Variants in ST6GALNAC3 observed in about 807,000 individuals in gnomAD.
ST6GALNAC3 encodes ST6 N-acetylgalactosaminide alpha-2,6-sialyltransferase 3, also known as alpha-N-acetylgalactosaminide alpha-2,6-sialyltransferase 3.
In ST6GALNAC3, 25 loss-of-function variants were observed where a neutral mutation model predicts 32.7. The observed-to-expected ratio is 0.76, with a 90% confidence interval of 0.56 to 1.07. The LOEUF (loss-of-function observed/expected upper bound fraction) is 1.07, where lower values mean the gene tolerates loss of function less well. Among genes scored for constraint, ST6GALNAC3 ranks in the 50% least tolerant of loss-of-function variants. The pLI is 0.00. For missense variants in ST6GALNAC3, 355 were observed against 382.4 expected, an observed-to-expected ratio of 0.93 and a Z score of 0.60; for synonymous variants, 129 against 133.1, an observed-to-expected ratio of 0.97 and a Z score of 0.21.
At chr1:76,580,909 C>T (rs1217338984) in intron 3 of ST6GALNAC3, among the ~76,000 whole-genome samples, 1 of 152,052 alleles carries the variant, frequency 6.6e-6, no homozygotes, top group African/African-American at 2.4e-5. Context: ...GTCTTTCAGA[C>T]ACTAATTTTG....
At chr1:76,555,529 C>T (rs1664866124) in intron 3 of ST6GALNAC3, among the ~76,000 whole-genome samples, 1 of 152,044 alleles carries the variant, frequency 6.6e-6, no homozygotes, top group Non-Finnish European at 1.5e-5. Flanking sequence ...TGAACCTGGT[C>T]ATTAATGTTC....
intron 1 of ST6GALNAC3, among the ~76,000 whole-genome samples, chr1:76,239,087 G>T (rs1427652684): frequency 6.6e-6 from 1 of 152,022 alleles, no homozygotes. Flanking sequence ...GTCTCCTGGG[G>T]TTCTCAGGCC....
chr1:76,345,369 G>A (rs959625823), intron 2 of ST6GALNAC3, among the ~76,000 whole-genome samples: 1 of 152,222 alleles, frequency 6.6e-6, no homozygotes, highest in South Asian at 2.1e-4. Context: ...CACAGGGAGA[G>A]CACAGAGTAG....
intron 3 of ST6GALNAC3, among the ~76,000 whole-genome samples, chr1:76,563,941 A>T (rs1570284432): frequency 6.6e-6 from 1 of 152,212 alleles, no homozygotes; most frequent in East Asian, 1.9e-4. Context: ...ATTATGTACA[A>T]GAAGGATCCA....
At chr1:76,327,576 C>A (rs537510855) in intron 2 of ST6GALNAC3, among the ~76,000 whole-genome samples, 2 of 152,244 alleles carry the variant, frequency 1.3e-5, no homozygotes, top group South Asian at 4.1e-4. Flanking sequence ...TTAATCTCAT[C>A]TACAAAATAT....
rs77668439 is a variant in ST6GALNAC3, at chr1:76,288,004, A to G, written c.19-25801A>G. On this transcript the variant is annotated intron_variant, in intron 1 of 4. Coordinates refer to ENST00000328299, the MANE Select transcript of ST6GALNAC3 (RefSeq NM_152996.4). ...AGCCTGCCTTGGGAGCCATGTGCTTATTACCTACAATTCACTGCCCAACTG... is the reference window on the plus strand; with the variant it reads ...AGCCTGCCTTGGGAGCCATGTGCTTGTTACCTACAATTCACTGCCCAACTG... Among the ~76,000 whole-genome samples the G allele has an allele frequency of 1.4e-3, 207 of 152,284 alleles. 2 individuals are homozygous for G. The East Asian group carries it at 0.024, about 18-fold the overall frequency.
rs139479938 is a variant in ST6GALNAC3 at position 76,191,444 on chromosome 1, C to T, written c.18+116560C>T. Among the ~76,000 whole-genome samples the T allele has an allele frequency of 4.8e-3, 725 of 152,072 alleles. 8 individuals carry two copies. Among genetic ancestry groups the T allele is most frequent in the African/African-American group, 0.016 (667 of 41,474 alleles). ...AGTTACAATTAGGAAGACTGCGTTC[C>T]GGTGTTCTATTGTACAGAAGGGTGA... On this transcript the variant is annotated intron_variant, in intron 1 of 4. Transcript: ENST00000328299.
intron 2 of ST6GALNAC3, among the ~76,000 whole-genome samples, chr1:76,376,221 A>G (rs1952022): frequency 0.51 from 77,703 of 152,040 alleles, 22,588 homozygotes; most frequent in Non-Finnish European, 0.65. Flanking sequence ...CTCCAATGAT[A>G]ACATCTTATG....
At chr1:76,284,936 G>A (rs1046030868) in intron 1 of ST6GALNAC3, among the ~76,000 whole-genome samples, 1 of 152,092 alleles carries the variant, frequency 6.6e-6, no homozygotes, top group African/African-American at 2.4e-5. Context: ...TGCCACAATA[G>A]GGTGTGGATA....
intron 1 of ST6GALNAC3, among the ~76,000 whole-genome samples, chr1:76,275,021 A>G (rs1384762201): frequency 6.6e-6 from 1 of 152,236 alleles, no homozygotes; most frequent in Non-Finnish European, 1.5e-5. Flanking sequence ...GTGTCCCTGT[A>G]GACAGAGAAG....
intron 3 of ST6GALNAC3, among the ~76,000 whole-genome samples, chr1:76,439,999 G>A (rs965294245): frequency 6.6e-6 from 1 of 152,220 alleles, no homozygotes; most frequent in Admixed American, 6.5e-5. Flanking sequence ...GTTTACGTAT[G>A]TTACATGTAG....
At chr1:76,286,747 A>C (rs1249242327) in intron 1 of ST6GALNAC3, among the ~76,000 whole-genome samples, 3 of 152,260 alleles carry the variant, frequency 2.0e-5, no homozygotes, top group Non-Finnish European at 4.4e-5. Flanking sequence ...GGTTTGAGGC[A>C]GGAAGTGTCC....
At chr1:76,261,267 G>C (rs1658218435) in intron 1 of ST6GALNAC3, among the ~76,000 whole-genome samples, 1 of 151,984 alleles carries the variant, frequency 6.6e-6, no homozygotes. Flanking sequence ...TATTCAATTA[G>C]CCTTTTGTTG....
rs544388081 is a variant in ST6GALNAC3 at position 76,461,456 on chromosome 1, G to A, written c.623+49039G>A. ...AAACATACAATTAAACACTTCAGAT[G>A]ACAGTGTTAAAACTTCAGAAGAAGA... On this transcript the variant is annotated intron_variant, in intron 3 of 4. Coordinates refer to ENST00000328299, the MANE Select transcript of ST6GALNAC3 (RefSeq NM_152996.4). 1.5e-4 allele frequency among the ~76,000 whole-genome samples: 23 copies of A among 152,280 alleles called. 2 individuals are homozygous for A. The South Asian group carries it at 4.8e-3, about 32-fold the overall frequency.
intron 1 of ST6GALNAC3, among the ~76,000 whole-genome samples, chr1:76,240,748 G>C (rs990875035): frequency 1.3e-5 from 2 of 152,152 alleles, no homozygotes; most frequent in Non-Finnish European, 2.9e-5. Context: ...CACACACACA[G>C]AAACAAAACA....
chr1:76,491,515 C>T (rs1205774902), intron 3 of ST6GALNAC3, among the ~76,000 whole-genome samples: 1 of 152,158 alleles, frequency 6.6e-6, no homozygotes, highest in Non-Finnish European at 1.5e-5. Flanking sequence ...AGTCTCCCAT[C>T]TCAAAGGCCC....
At chr1:76,405,365 C>T (rs1048112240) in intron 2 of ST6GALNAC3, among the ~76,000 whole-genome samples, 4 of 152,020 alleles carry the variant, frequency 2.6e-5, no homozygotes, top group Non-Finnish European at 5.9e-5. Context: ...TGTCTATAAG[C>T]TTATTCAGAG....
At chr1:76,527,853 T>C (rs540723636) in intron 3 of ST6GALNAC3, among the ~76,000 whole-genome samples, 2 of 152,184 alleles carry the variant, frequency 1.3e-5, no homozygotes, top group African/African-American at 2.4e-5. Context: ...ACATAAACTA[T>C]AGGGAGGATA....
chr1:76,155,445 T>C (rs796860926), intron 1 of ST6GALNAC3, among the ~76,000 whole-genome samples: 2 of 152,110 alleles, frequency 1.3e-5, no homozygotes, highest in African/African-American at 4.8e-5. Flanking sequence ...ATAGCAAGAG[T>C]TCCCCCACTT....
Sources: allele counts gnomAD v4.1 joint callset (sites outside exome capture counted in the v4.1 genomes callset), GRCh38; gene constraint gnomAD v4.1.1; transcripts MANE v1.5; gene names NCBI Gene and HGNC (gene_info 2026-07-23, HGNC 2026-07-21).